Variants in ICE2 observed in about 807,000 individuals in gnomAD.
ICE2 encodes interactor of little elongation complex ELL subunit 2.
A neutral mutation model predicts 105.4 loss-of-function variants in ICE2; 87 were observed. The observed-to-expected ratio is 0.83, with a 90% CI of 0.69 to 0.99. ICE2 has a LOEUF of 0.99. Ranked by LOEUF, ICE2 falls within the 50% of genes least tolerant of loss-of-function variation. The pLI is 0.00. For synonymous variants in ICE2, 399 were observed against 392.0 expected (o/e 1.02, Z -0.21); for missense variants, 1,323 against 1,146.7 (o/e 1.15, Z -2.22).
chr15:60,450,213 G>A (rs2141067470), intron 9 of ICE2, among the ~76,000 whole-genome samples: 1 of 152,292 alleles, frequency 6.6e-6, no homozygotes, highest in South Asian at 2.1e-4. Context: ...ATAGGCTCCT[G>A]CAGAGACACT....
intron 3 of ICE2, among the ~76,000 whole-genome samples, chr15:60,474,522 C>T (rs1004102844): frequency 1.3e-5 from 2 of 152,098 alleles, no homozygotes; most frequent in African/African-American, 4.8e-5. Context: ...CCTGTAATCC[C>T]AGCAAGTGTA....
chr15:60,423,466 C>A lies in ICE2; in HGVS notation c.*168G>T, dbSNP rs562827102. 3.9e-6 allele frequency: 2 copies of A among 509,524 alleles called. No homozygotes were observed. The highest frequency in any genetic ancestry group is 2.0e-5 in the African/African-American group (1 of 49,724). The allele number at this position is 509,524 out of a possible 1,614,324, so 31.6% of individuals were successfully genotyped here. On this transcript the variant is annotated 3_prime_UTR_variant, in exon 16 of 16. Coordinates refer to ENST00000261520, the MANE Select transcript of ICE2 (RefSeq NM_024611.6). Reference sequence around the variant, plus strand: ...CTTCAAGGGTGAAAAGCATACCATTCCATTTTAGTTGAAATATTCCTTCAC... The same window carrying A: ...CTTCAAGGGTGAAAAGCATACCATTACATTTTAGTTGAAATATTCCTTCAC...
rs913912497 is a variant in ICE2, at chr15:60,455,993, T to C, written c.667-551A>G. Among the ~76,000 whole-genome samples the C allele has an allele frequency of 2.2e-4, 33 of 152,114 alleles. 1 individual carries two copies. The highest frequency in any genetic ancestry group is 7.7e-4 in the African/African-American group (32 of 41,486). ...GAGATACAAATCATAACGGGGATGG[T>C]AGAAACTCCAAAATATCCTCTCCAC... On this transcript the variant is annotated intron_variant, in intron 6 of 15. Transcript: ENST00000261520.
At chr15:60,458,137 G>C (rs1278743903) in intron 5 of ICE2, among the ~76,000 whole-genome samples, 1 of 152,098 alleles carries the variant, frequency 6.6e-6, no homozygotes, top group Non-Finnish European at 1.5e-5. Flanking sequence ...AATTATCGAA[G>C]TATTTTACAA....
chr15:60,470,966 T>C (rs2064577285), intron 3 of ICE2, among the ~76,000 whole-genome samples: 1 of 152,160 alleles, frequency 6.6e-6, no homozygotes, highest in South Asian at 2.1e-4. Flanking sequence ...TAGATCTGCA[T>C]CTGGACAAAG....
At chr15:60,441,693 G>A (rs962495807) in intron 12 of ICE2, 5 of 152,172 alleles carry the variant, frequency 3.3e-5, no homozygotes, top group African/African-American at 9.7e-5. Context: ...TGAGATGTTC[G>A]ATATTGGACA....
At chr15:60,442,336 A>C in intron 12 of ICE2, 80 bp downstream of exon 12, 1 of 1,282,286 alleles carries the variant, frequency 7.8e-7, no homozygotes, top group Non-Finnish European at 1.1e-6. Context: ...AGGGCAGAAT[A>C]GAAGTATTCA....
chr15:60,427,266 T>A (rs937427111), intron 15 of ICE2, among the ~76,000 whole-genome samples: 4 of 152,198 alleles, frequency 2.6e-5, no homozygotes, highest in African/African-American at 9.7e-5. Flanking sequence ...AAAGGAAGAA[T>A]ACACAAGTGA....
intron 3 of ICE2, among the ~76,000 whole-genome samples, chr15:60,473,543 C>A (rs1027310212): frequency 3.3e-5 from 5 of 151,492 alleles, no homozygotes; most frequent in African/African-American, 9.7e-5. Context: ...TCCAGCTGCT[C>A]TGGCCTCCTA....
intron 8 of ICE2, among the ~76,000 whole-genome samples, chr15:60,454,189 T>C (rs1457075681): frequency 6.6e-6 from 1 of 152,214 alleles, no homozygotes; most frequent in African/African-American, 2.4e-5. Flanking sequence ...TGCTGTGACA[T>C]ATATTAACTC....
intron 9 of ICE2, 110 bp downstream of exon 9, chr15:60,453,493 C>A: frequency 6.8e-7 from 1 of 1,473,730 alleles, no homozygotes; most frequent in South Asian, 1.4e-5. Flanking sequence ...CAGTTTGAAT[C>A]TAAAGCCTGT....
At chr15:60,467,081 G>T (rs942857331) in intron 4 of ICE2, among the ~76,000 whole-genome samples, 1 of 152,108 alleles carries the variant, frequency 6.6e-6, no homozygotes, top group Non-Finnish European at 1.5e-5. Context: ...TCCGCCTCCT[G>T]AGTAGCTGGG....
intron 11 of ICE2, among the ~76,000 whole-genome samples, chr15:60,447,144 CAG>C (rs1315811726): frequency 1.3e-5 from 2 of 151,836 alleles, no homozygotes; most frequent in Non-Finnish European, 2.9e-5. Flanking sequence ...AAAGAAACAA[CAG>C]GGGAAAAAAG....
rs1383915035 is a variant in ICE2 at position 60,451,151 on chromosome 15, G to C, written c.1126-1310C>G. ...AAAAATAAAAGAAAAATTTGACAGA[G>C]ACACAATTATACTAAGTCAATGAGA... On this transcript the variant is annotated intron_variant, in intron 9 of 15. Transcript: ENST00000261520. 3.9e-6 allele frequency: 3 copies of C among 777,942 alleles called. No homozygotes were observed. In the African/African-American group the frequency reaches 5.7e-5, roughly 15 times the overall value. The allele number at this position is 777,942 out of a possible 1,614,324, so 48.2% of individuals were successfully genotyped here. A position where few individuals can be genotyped will look rare whatever the true frequency, so the allele number is the denominator to read the frequency against.
At chr15:60,469,153 C>T (rs1308879028) in intron 3 of ICE2, among the ~76,000 whole-genome samples, 5 of 152,182 alleles carry the variant, frequency 3.3e-5, no homozygotes, top group East Asian at 3.9e-4. Flanking sequence ...TGCAGGGGCA[C>T]GAATGGAGCT....
rs761330695 is a variant in ICE2 at position 60,448,848 on chromosome 15, G to A, written c.2119C>T (p.Arg707Ter). 2.5e-6 allele frequency: 4 copies of A among 1,573,074 alleles called. No individual in the cohort carries two copies. The highest frequency in any genetic ancestry group is 2.0e-5 in the Admixed American group (1 of 49,124). ...WPSAFQKPKG[R>*]LPYELQDYVE... ...AAGCTCTTTGTAAATATTTACTTACGTCCTTTTGGCTTCTGAAATGCAGAA... is the reference window on the plus strand; with the variant it reads ...AAGCTCTTTGTAAATATTTACTTACATCCTTTTGGCTTCTGAAATGCAGAA... The change falls in exon 10 of 16, where the codon CGA becomes TGA. Residue 707 changes from arginine to a stop codon, truncating the protein, a stop_gained and splice_region_variant. Transcript: ENST00000261520. LOFTEE classifies it high-confidence loss of function.
Position 60,466,582 on chromosome 15 carries a change from T to A in ICE2, c.528+12A>T. ...ACTTCGCAATTTACACAAATGTGAG[T>A]TGTTTTTTTACCTCTGTGAAGAGAC... is the stretch of plus-strand genomic sequence containing the variant. On this transcript the variant is annotated intron_variant, in intron 5 of 15. Coordinates refer to ENST00000261520, the MANE Select transcript of ICE2 (RefSeq NM_024611.6). 1 of 1,608,716 alleles carries A rather than the reference T, an allele frequency of 6.2e-7. No individual in the cohort carries two copies. Among genetic ancestry groups the A allele is most frequent in the Non-Finnish European group, 8.5e-7 (1 of 1,179,210 alleles).
intron 3 of ICE2, among the ~76,000 whole-genome samples, chr15:60,474,124 C>G (rs1404328822): frequency 6.6e-6 from 1 of 152,072 alleles, no homozygotes; most frequent in African/African-American, 2.4e-5. Flanking sequence ...GTCTCAGACT[C>G]AGGCCTCAAG....
At chr15:60,428,714 C>T in intron 14 of ICE2, 27 bp from the exon 15 acceptor site, 1 of 1,596,332 alleles carries the variant, frequency 6.3e-7, no homozygotes, top group Non-Finnish European at 8.6e-7. Flanking sequence ...AAACTCAACC[C>T]ACTGGCTCAC....
Sources: gnomAD v4.1 joint callset for allele counts (sites outside exome capture counted in the v4.1 genomes callset) on GRCh38, gnomAD v4.1.1 for gene constraint, MANE v1.5 for transcripts, NCBI Gene and HGNC (gene_info 2026-07-23, HGNC 2026-07-21) for gene names.